CHEK2: variants seen among roughly 807,000 people sequenced by gnomAD.
CHEK2 encodes serine/threonine-protein kinase Chk2.
CHEK2 carries 71 observed loss-of-function variants against 69.1 expected under a neutral mutation model. The ratio of observed to expected loss-of-function variants is 1.03; its 90% CI spans 0.85 to 1.25. The LOEUF (loss-of-function observed/expected upper bound fraction) is 1.25, where lower values mean the gene tolerates loss of function less well. Among genes scored for constraint, CHEK2 ranks in the 50% most tolerant of loss-of-function variants. The pLI is 0.00. For missense variants in CHEK2, 664 were observed against 649.6 expected, an observed-to-expected ratio of 1.02 and a Z score of -0.24; for synonymous variants, 189 against 226.9, an observed-to-expected ratio of 0.83 and a Z score of 1.50.
At position 28,711,978 on chromosome 22, in the gene CHEK2, T is replaced by G. The variant is rs1023861689; in HGVS notation, c.723A>C (p.Lys241Asn). The change falls in exon 6 of 15, where the codon AAA becomes AAC. Residue 241 changes from lysine (K) to asparagine (N), a missense_variant. Physicochemically the swap from Lys to Asn is moderately conservative, Grantham distance 94 (BLOSUM62 0). Transcript: ENST00000404276. ...TCTTTATGGCTACTTTCTTACATGT[T>G]TTCCTCTCGAAAGCCAGCTTTACCT... ...CGEVKLAFER[K>N]TCKKVAIKII... 1 of 1,613,914 alleles carries G rather than the reference T, an allele frequency of 6.2e-7. No homozygotes were observed. The highest frequency in any genetic ancestry group is 1.3e-5 in the African/African-American group (1 of 74,936).
At chr22:28,705,956 T>TAATAA (rs2053117570) in intron 7 of CHEK2, among the ~76,000 whole-genome samples, 1 of 90,142 alleles carries the variant, frequency 1.1e-5, no homozygotes, top group Non-Finnish European at 2.5e-5. Context: ...AAAACTAAAC[T>TAATAA]AAACTAAACT....
At chr22:28,712,400 C>T (rs540157999) in intron 5 of CHEK2, 10 of 290,660 alleles carry the variant, frequency 3.4e-5, no homozygotes, top group East Asian at 5.1e-5. Flanking sequence ...AAACAAATAA[C>T]GGTAAACAGA....
chr22:28,737,045 G>C (rs5762765), intron 1 of CHEK2, among the ~76,000 whole-genome samples: 41,068 of 151,952 alleles, frequency 0.27, 6,996 homozygotes, highest in Middle Eastern at 0.41. Context: ...AAAAGGGAGG[G>C]AGAGGAGGGC....
intron 4 of CHEK2, among the ~76,000 whole-genome samples, chr22:28,719,747 T>A (rs1228668138): frequency 1.3e-5 from 2 of 152,158 alleles, no homozygotes. Context: ...GTGCAAAAAA[T>A]CCGTAACACA....
At chr22:28,728,998 C>T (rs1052515324) in intron 2 of CHEK2, among the ~76,000 whole-genome samples, 19 of 151,870 alleles carry the variant, frequency 1.3e-4, no homozygotes, top group African/African-American at 4.6e-4. Context: ...AAGAAACACA[C>T]GGCTGGCTTC....
At chr22:28,721,518 C>G (rs2053781666) in intron 4 of CHEK2, 3 of 402,256 alleles carry the variant, frequency 7.5e-6, no homozygotes, top group East Asian at 1.5e-4. Flanking sequence ...AACTCCTGAC[C>G]TCAGGTGATC....
intron 4 of CHEK2, among the ~76,000 whole-genome samples, chr22:28,722,224 C>T (rs2053810844): frequency 1.3e-5 from 2 of 151,886 alleles, no homozygotes; most frequent in African/African-American, 2.4e-5. Context: ...AAGCAGCTGC[C>T]CTGACTATAA....
intron 14 of CHEK2, among the ~76,000 whole-genome samples, chr22:28,688,721 TCAA>T (rs1039027002): frequency 6.3e-4 from 95 of 151,756 alleles, no homozygotes; most frequent in East Asian, 2.3e-3. Context: ...CAGCTACCAT[TCAA>T]CAACAACAAC....
chr22:28,700,836 C>T (rs148876074), intron 8 of CHEK2, among the ~76,000 whole-genome samples: 2 of 152,182 alleles, frequency 1.3e-5, no homozygotes, highest in East Asian at 3.9e-4. Context: ...ATTGCCCAGG[C>T]TGGAATGCAA....
rs536851272 is a variant in CHEK2, at chr22:28,735,256, A to C, written c.-6-529T>G. Among the ~76,000 whole-genome samples, 13 of 152,004 alleles carry C rather than the reference A, an allele frequency of 8.6e-5. No individual in the cohort carries two copies. In the East Asian group the frequency reaches 2.5e-3, roughly 30 times the overall value. ...TCCGTCTCTACTAAAAATACAAAAA[A>C]TTAGCCAGGCGTGGTGGCGGGCACC... On this transcript the variant is annotated intron_variant, in intron 1 of 14. Coordinates refer to ENST00000404276, the MANE Select transcript of CHEK2 (RefSeq NM_007194.4).
intron 13 of CHEK2, chr22:28,689,507 T>A: frequency 2.6e-6 from 1 of 390,978 alleles, no homozygotes; most frequent in East Asian, 5.9e-5. Context: ...TTAATTAGTA[T>A]CCAAGATCCT....
intron 2 of CHEK2, among the ~76,000 whole-genome samples, chr22:28,726,840 C>A (rs17882838): frequency 2.7e-5 from 4 of 146,452 alleles, no homozygotes; most frequent in African/African-American, 1.0e-4. Context: ...TCCAGCCCCA[C>A]CTCATACCCC....
intron 6 of CHEK2, among the ~76,000 whole-genome samples, chr22:28,710,745 T>C (rs1884816): frequency 0.21 from 32,338 of 152,122 alleles, 3,736 homozygotes; most frequent in East Asian, 0.41. Context: ...TAAAATGAAC[T>C]TCAGCTAAGA....
At chr22:28,709,625 G>GT (rs1333063315) in intron 7 of CHEK2, among the ~76,000 whole-genome samples, 38 of 150,570 alleles carry the variant, frequency 2.5e-4, no homozygotes, top group East Asian at 5.9e-4. Context: ...AATTTTTCTT[G>GT]TTTTTTTTTC....
At chr22:28,718,745 G>A (rs2053665644) in intron 5 of CHEK2, among the ~76,000 whole-genome samples, 1 of 151,528 alleles carries the variant, frequency 6.6e-6, no homozygotes, top group South Asian at 2.1e-4. Context: ...AGCCAGGCAC[G>A]GTGGTTCAAG....
At chr22:28,727,789 T>C (rs1170431604) in intron 2 of CHEK2, among the ~76,000 whole-genome samples, 1 of 152,040 alleles carries the variant, frequency 6.6e-6, no homozygotes, top group Non-Finnish European at 1.5e-5. Flanking sequence ...AATTCAGAAA[T>C]CAAAAACACA....
chr22:28,705,354 G>A (rs1377962866), intron 7 of CHEK2, among the ~76,000 whole-genome samples: 1 of 151,772 alleles, frequency 6.6e-6, no homozygotes, highest in Non-Finnish European at 1.5e-5. Flanking sequence ...TGGGATTACA[G>A]GTGTGAGCCA....
intron 4 of CHEK2, chr22:28,721,392 T>TTC (rs1404579571): frequency 4.4e-6 from 1 of 229,624 alleles, no homozygotes; most frequent in African/African-American, 2.4e-5. Flanking sequence ...ATTCAAGCAA[T>TTC]TCTCCTGCCT....
intron 13 of CHEK2, among the ~76,000 whole-genome samples, chr22:28,693,744 A>G (rs1311102029): frequency 6.6e-6 from 1 of 152,180 alleles, no homozygotes; most frequent in Non-Finnish European, 1.5e-5. Flanking sequence ...CTGTAATCCC[A>G]GCTACTTGGG....
Sources: gnomAD v4.1 joint callset for allele counts (sites outside exome capture counted in the v4.1 genomes callset) on GRCh38, gnomAD v4.1.1 for gene constraint, MANE v1.5 for transcripts, NCBI Gene and HGNC (gene_info 2026-07-23, HGNC 2026-07-21) for gene names.